The following SLC19A1 variants were observed in gnomAD, a reference collection of about 807,000 sequenced individuals.
SLC19A1 encodes reduced folate transporter.
A neutral mutation model predicts 35.3 loss-of-function variants in SLC19A1; 37 were observed. The ratio of observed to expected loss-of-function variants is 1.05; its 90% CI spans 0.81 to 1.38. SLC19A1 has a LOEUF of 1.38. Among genes scored for constraint, SLC19A1 ranks in the 40% most tolerant of loss-of-function variants. SLC19A1 has a pLI of 0.00. For synonymous variants in SLC19A1, 460 were observed against 398.5 expected (o/e 1.15, Z -1.84); for missense variants, 831 against 826.9 (o/e 1.00, Z -0.06).
In SLC19A1 at chr21:45,505,894, G is replaced by A. The variant is rs747833734; in HGVS notation, c.498-7282C>T. On this transcript the variant is annotated intron_variant, in intron 3 of 4. Coordinates refer to the SLC19A1 transcript ENST00000417954. ...TGGGCCAGGTGCACGAGGTTCCCGA[G>A]GGCTGGCTCATCTTCGTGGCCGAGC... 25 of 1,612,936 alleles carry A rather than the reference G, an allele frequency of 1.5e-5. No homozygotes were observed. Among genetic ancestry groups the A allele is most frequent in the Middle Eastern group, 1.7e-4 (1 of 6,054 alleles).
rs752605392 is a variant in SLC19A1 at position 45,515,833 on chromosome 21, G to A, written c.1601C>T (p.Ala534Val). The change falls in exon 6 of 6, where the codon GCT becomes GTT. Residue 534 changes from alanine (A) to valine (V), a missense_variant. Ala to Val is a moderately conservative substitution (Grantham distance 64, BLOSUM62 0). Coordinates refer to ENST00000311124, the MANE Select transcript of SLC19A1 (RefSeq NM_194255.4). ...YLAQAPAPQA[A>V]EFLSPVTTPS... The stretch of plus-strand genomic sequence containing the variant: ...GGTTGTCACTGGGCTCAGGAATTCA[G>A]CTGCCTGCGGGGCCGGGGCCTGGGC... 6.2e-7 allele frequency: 1 copy of A among 1,605,892 alleles called. No homozygotes were observed. Among genetic ancestry groups the A allele is most frequent in the Non-Finnish European group, 8.5e-7 (1 of 1,174,958 alleles).
downstream of SLC19A1, among the ~76,000 whole-genome samples, chr21:45,511,844 A>G (rs963422388): frequency 7.9e-5 from 12 of 152,214 alleles, no homozygotes; most frequent in African/African-American, 2.9e-4. Flanking sequence ...CCTGAAAGCC[A>G]GGAGCCCGGG....
In SLC19A1 at chr21:45,554,493, A is replaced by G. The variant is rs574587130; in HGVS notation, c.-50+8249T>C. 8.7e-3 allele frequency among the ~76,000 whole-genome samples: 209 copies of G among 24,066 alleles called. 7 individuals carry two copies. The highest frequency in any genetic ancestry group is 0.012 in the Non-Finnish European group (158 of 12,922). The allele number at this position is 24,066 out of a possible 152,430, so 15.8% of individuals were successfully genotyped here. A position where few individuals can be genotyped will look rare whatever the true frequency, so the allele number is the denominator to read the frequency against. On this transcript the variant is annotated intron_variant, in intron 1 of 5. Coordinates refer to the SLC19A1 transcript ENST00000650808. ...CCCAATCCCCCGCGCCCCCCTCCCA[A>G]TCCCCTGCGCCCCCATCCCACTTTC... is the stretch of plus-strand genomic sequence containing the variant.
intron 1 of SLC19A1, among the ~76,000 whole-genome samples, chr21:45,556,382 G>A (rs1463061184): frequency 6.6e-6 from 1 of 152,236 alleles, no homozygotes; most frequent in Non-Finnish European, 1.5e-5. Context: ...AGCCAGACCC[G>A]CTCGTCAGCA....
chr21:45,550,054 T>C (rs2078450711), intron 1 of SLC19A1, among the ~76,000 whole-genome samples: 1 of 152,054 alleles, frequency 6.6e-6, no homozygotes, highest in Non-Finnish European at 1.5e-5. Context: ...CATGCGGATG[T>C]TGCAGCATTG....
At chr21:45,553,639 CTCCTAGT>C (rs2078490836) in intron 1 of SLC19A1, among the ~76,000 whole-genome samples, 1 of 67,378 alleles carries the variant, frequency 1.5e-5, no homozygotes, top group African/African-American at 6.7e-5. Flanking sequence ...CCGCGCCCCC[CTCCTAGT>C]CCCCCCGCGC....
In SLC19A1 at chr21:45,505,956, G is replaced by A. The variant is rs532685502; in HGVS notation, c.498-7344C>T. On this transcript the variant is annotated intron_variant, in intron 3 of 4. Transcript: ENST00000417954. ...TACGTCCGCGTGCAGAACGGGTTCCGGAAGGTCCAGGTGAGCGCTCTGTGT... is the reference window on the plus strand; with the variant it reads ...TACGTCCGCGTGCAGAACGGGTTCCAGAAGGTCCAGGTGAGCGCTCTGTGT... The A allele has an allele frequency of 6.2e-5, 100 of 1,613,138 alleles. No individual in the cohort carries two copies. The highest frequency in any genetic ancestry group is 3.3e-4 in the African/African-American group (25 of 75,052).
intron 1 of SLC19A1, among the ~76,000 whole-genome samples, chr21:45,559,813 T>C (rs1030387322): frequency 2.0e-5 from 3 of 152,224 alleles, no homozygotes; most frequent in African/African-American, 7.2e-5. Context: ...TTGCTAGACA[T>C]GGAGTTTGCT....
Position 45,505,820 on chromosome 21 carries a change from T to C in SLC19A1, c.498-7208A>G, listed in dbSNP as rs558927480. ...CCCTCCCCGCCAAGCCCCACACCTCTGCATTTGGTCCCAGCAGGTGAGGCT... is the reference window on the plus strand; with the variant it reads ...CCCTCCCCGCCAAGCCCCACACCTCCGCATTTGGTCCCAGCAGGTGAGGCT... On this transcript the variant is annotated intron_variant, in intron 3 of 4. Coordinates refer to the SLC19A1 transcript ENST00000417954. 4.9e-5 allele frequency: 63 copies of C among 1,276,610 alleles called. No individual in the cohort carries two copies. The South Asian group carries it at 6.9e-4, about 14-fold the overall frequency. The allele number at this position is 1,276,610 out of a possible 1,614,324, so 79.1% of individuals were successfully genotyped here. A position where few individuals can be genotyped will look rare whatever the true frequency, so the allele number is the denominator to read the frequency against.
At chr21:45,518,179 TAAA>T (rs908380547) in intron 5 of SLC19A1, among the ~76,000 whole-genome samples, 1 of 151,410 alleles carries the variant, frequency 6.6e-6, no homozygotes, top group African/African-American at 2.4e-5. Flanking sequence ...ATAGGAGAAA[TAAA>T]AAAAATTTAG....
chr21:45,504,280 A>G, intron 3 of SLC19A1: 1 of 954,994 alleles, frequency 1.0e-6, no homozygotes, highest in Non-Finnish European at 1.6e-6. Context: ...GTCGAGCCCT[A>G]TTCTATGCAG....
At chr21:45,537,633 C>T (rs1271830057) in intron 2 of SLC19A1, 138 bp downstream of exon 2, 5 of 677,040 alleles carry the variant, frequency 7.4e-6, no homozygotes, top group Middle Eastern at 4.5e-4. Flanking sequence ...CCAGCGCCCA[C>T]GTGCCTATTC....
In SLC19A1 at chr21:45,514,899, G is replaced by A. The variant is rs572500105; in HGVS notation, c.*759C>T. 3.0e-4 allele frequency: 356 copies of A among 1,178,500 alleles called. No individual in the cohort carries two copies. In the African/African-American group the frequency reaches 4.5e-3, roughly 15 times the overall value. The allele number at this position is 1,178,500 out of a possible 1,614,324, so 73.0% of individuals were successfully genotyped here. A position where few individuals can be genotyped will look rare whatever the true frequency, so the allele number is the denominator to read the frequency against. ...CCCAGGCAAGCCTGGCACATACCAA[G>A]GCCAGCACGTCCGCGGTGACCGGGA... On this transcript the variant is annotated 3_prime_UTR_variant, in exon 6 of 6. Transcript: ENST00000311124.
chr21:45,508,710 C>G (rs1343171461), downstream of SLC19A1, among the ~76,000 whole-genome samples: 3 of 152,144 alleles, frequency 2.0e-5, no homozygotes, highest in East Asian at 3.8e-4. Context: ...TCTGCTCTCA[C>G]TCATTTGCTG....
intron 3 of SLC19A1, chr21:45,507,400 C>T (rs2146101288): frequency 1.6e-6 from 1 of 610,188 alleles, no homozygotes. Flanking sequence ...GGGAGCGTAC[C>T]CTGGCACAGG....
At chr21:45,506,432 C>T (rs1450274415) in intron 3 of SLC19A1, 10 of 295,570 alleles carry the variant, frequency 3.4e-5, no homozygotes, top group African/African-American at 1.5e-4. Flanking sequence ...CTGCTTAGCA[C>T]GGGCCTTGCT....
downstream of SLC19A1, chr21:45,511,348 T>G: frequency 1.5e-6 from 1 of 689,236 alleles, no homozygotes; most frequent in South Asian, 1.5e-5. Context: ...CTCATTACTT[T>G]AAAATTACAA....
In SLC19A1 at chr21:45,533,914, C is replaced by T. The variant is rs754016939; in HGVS notation, c.190-1766G>A. 5.3e-5 allele frequency among the ~76,000 whole-genome samples: 8 copies of T among 152,008 alleles called. No homozygotes were observed. Among genetic ancestry groups the T allele is most frequent in the Non-Finnish European group, 7.4e-5 (5 of 67,956 alleles). On this transcript the variant is annotated intron_variant, in intron 2 of 5. Coordinates refer to ENST00000311124, the MANE Select transcript of SLC19A1 (RefSeq NM_194255.4). The surrounding 1 kb of genome is among the most constrained non-coding windows in gnomAD (Gnocchi z 4.5). Reference sequence around the variant, plus strand: ...GGGCAATAGGACCCTGCAGCCAGGCCGGCATGCTGAGAAGCTTCCCAGGGG... The same window carrying T: ...GGGCAATAGGACCCTGCAGCCAGGCTGGCATGCTGAGAAGCTTCCCAGGGG...
chr21:45,505,764 G>A (rs1374572114), intron 3 of SLC19A1: 59 of 1,189,242 alleles, frequency 5.0e-5, no homozygotes, highest in East Asian at 1.8e-4. Context: ...ACCCTGAAAC[G>A]GGCATTCCTT....
Sources: gnomAD v4.1 joint callset for allele counts (sites outside exome capture counted in the v4.1 genomes callset) on GRCh38, gnomAD v4.1.1 for gene constraint, Gnocchi (gnomAD v3.1) non-coding constraint, MANE v1.5 for transcripts, NCBI Gene and HGNC (gene_info 2026-07-23, HGNC 2026-07-21) for gene names.